Variants in RAI14 observed in about 807,000 individuals in gnomAD.
The protein encoded by RAI14 is retinoic acid induced 14, also known as ankycorbin.
Under a neutral mutation model 115.4 loss-of-function variants are expected in RAI14, and 45 were observed. That is an observed-to-expected ratio of 0.39 (90% CI 0.31 to 0.50). RAI14 has a LOEUF of 0.50. RAI14 is among the 20% of genes least tolerant of loss of function. The pLI is 0.85. For missense variants in RAI14, 939 were observed against 1,131.2 expected (o/e 0.83, Z 2.44); for synonymous variants, 371 against 415.4 (o/e 0.89, Z 1.30).
chr5:34,807,492 T>A (rs907809119), intron 5 of RAI14, among the ~76,000 whole-genome samples: 11 of 151,594 alleles, frequency 7.3e-5, no homozygotes, highest in African/African-American at 2.7e-4. Flanking sequence ...GGGCAGGAGA[T>A]GGGGGAAAAG....
At chr5:34,779,069 A>T (rs936780209) in intron 3 of RAI14, among the ~76,000 whole-genome samples, 3 of 152,200 alleles carry the variant, frequency 2.0e-5, no homozygotes, top group Non-Finnish European at 2.9e-5. Context: ...CTGGTTCAAC[A>T]TACACAAATC....
intron 1 of RAI14, among the ~76,000 whole-genome samples, chr5:34,677,324 C>T (rs903260090): frequency 3.3e-5 from 5 of 152,202 alleles, no homozygotes; most frequent in African/African-American, 9.6e-5. Context: ...CCACCACACC[C>T]GGCTCATTTT....
In RAI14 at chr5:34,806,556, G is replaced by A. The variant is rs1238646645; in HGVS notation, c.322-1244G>A. Among the ~76,000 whole-genome samples, 181 of 152,152 alleles carry A rather than the reference G, an allele frequency of 1.2e-3. 1 individual carries two copies. Among genetic ancestry groups the A allele is most frequent in the Non-Finnish European group, 2.4e-4 (16 of 67,996 alleles). On this transcript the variant is annotated intron_variant, in intron 5 of 17. Coordinates refer to ENST00000265109, the MANE Select transcript of RAI14 (RefSeq NM_015577.3). ...GAGGGTAGAGTGGAGGCGAGTTTTG[G>A]AGAAAAAAGTTGACAGGGCATGGTG...
chr5:34,734,669 CT>C (rs1158861665), intron 2 of RAI14, among the ~76,000 whole-genome samples: 1,663 of 145,562 alleles, frequency 0.011, 25 homozygotes, highest in African/African-American at 0.034. Flanking sequence ...TTTATTCTTT[CT>C]TTTTTTTTTT....
intron 2 of RAI14, among the ~76,000 whole-genome samples, chr5:34,703,241 A>G (rs972965060): frequency 3.3e-5 from 5 of 152,200 alleles, no homozygotes; most frequent in Admixed American, 1.3e-4. Context: ...ACAACATATA[A>G]AAAATGCATA....
rs1448993981 is a variant in RAI14 at position 34,811,078 on chromosome 5, G to A, written c.517G>A (p.Asp173Asn). The change falls in exon 8 of 18, where the codon GAT becomes AAT. Residue 173 changes from aspartate to asparagine, a missense_variant. By Grantham distance (23) the Asp-to-Asn change is conservative (BLOSUM62 1). Transcript: ENST00000265109. ...CAGTGAGATCTGTCACTTTCTCCTG[G>A]ATCATGGAGCAGATGTCAATTCCAG... ...GHSEICHFLL[D>N]HGADVNSRNK... 1 of 1,614,110 alleles carries A rather than the reference G, an allele frequency of 6.2e-7. No homozygotes were observed. Among genetic ancestry groups the A allele is most frequent in the Non-Finnish European group, 8.5e-7 (1 of 1,180,028 alleles).
intron 1 of RAI14, among the ~76,000 whole-genome samples, 185 bp from the exon 2 acceptor site, chr5:34,686,687 A>G (rs1029176972): frequency 3.3e-5 from 5 of 152,176 alleles, no homozygotes; most frequent in African/African-American, 1.2e-4. Context: ...TAATTTGAAA[A>G]TGTCAGAAGC....
At chr5:34,818,746 T>C (rs754677641) in intron 12 of RAI14, 51 bp from the exon 13 acceptor site, 2 of 1,478,274 alleles carry the variant, frequency 1.4e-6, no homozygotes, top group African/African-American at 2.8e-5. Context: ...GATTCTTTTG[T>C]GTAATGTTAC....
At chr5:34,691,902 C>G (rs1484974203) in intron 2 of RAI14, among the ~76,000 whole-genome samples, 1 of 152,160 alleles carries the variant, frequency 6.6e-6, no homozygotes, top group Admixed American at 6.5e-5. Context: ...AATGCACACA[C>G]CCCATGAATC....
intron 1 of RAI14, among the ~76,000 whole-genome samples, chr5:34,681,050 G>A (rs1744344655): frequency 6.6e-6 from 1 of 152,302 alleles, no homozygotes; most frequent in South Asian, 2.1e-4. Context: ...TCACAGCATA[G>A]CCCTTGTCTG....
intron 1 of RAI14, among the ~76,000 whole-genome samples, chr5:34,675,778 G>T (rs1743940037): frequency 6.6e-6 from 1 of 151,560 alleles, no homozygotes; most frequent in African/African-American, 2.4e-5. Context: ...AAAAAGGAAT[G>T]GAATCATATA....
chr5:34,766,322 G>T (rs562408378), intron 3 of RAI14, among the ~76,000 whole-genome samples: 10 of 152,160 alleles, frequency 6.6e-5, no homozygotes, highest in African/African-American at 2.4e-4. Flanking sequence ...ACACCAGCCC[G>T]TGAGAGCAGC....
At chr5:34,769,573 G>T (rs556793043) in intron 3 of RAI14, among the ~76,000 whole-genome samples, 260 of 152,270 alleles carry the variant, frequency 1.7e-3, no homozygotes, top group Non-Finnish European at 2.9e-3. Flanking sequence ...CACTTGGTAG[G>T]CTGGAATGGA....
intron 1 of RAI14, among the ~76,000 whole-genome samples, chr5:34,681,353 G>T (rs1744365914): frequency 6.6e-6 from 1 of 152,096 alleles, no homozygotes; most frequent in African/African-American, 2.4e-5. Context: ...TTCAGAACTT[G>T]GTCTGTGGTA....
chr5:34,808,576 T>TC lies in RAI14; in HGVS notation c.380-3dup. ...TTGGCTGTGGTATTTATATTTTCCT[T>TC]CCCCCAGCGGCTCAGGGCTGCCTTC... On this transcript the variant is annotated splice_polypyrimidine_tract_variant and splice_region_variant and intron_variant, in intron 6 of 17. Transcript: ENST00000265109. 1 of 1,613,798 alleles carries TC rather than the reference T, an allele frequency of 6.2e-7. No homozygotes were observed. Among genetic ancestry groups the TC allele is most frequent in the Non-Finnish European group, 8.5e-7 (1 of 1,179,782 alleles).
chr5:34,823,933 T>G lies in RAI14; in HGVS notation c.2091T>G (p.Asp697Glu). 6.2e-7 allele frequency: 1 copy of G among 1,614,188 alleles called. No individual in the cohort carries two copies. Among genetic ancestry groups the G allele is most frequent in the Non-Finnish European group, 8.5e-7 (1 of 1,180,030 alleles). The part of the protein sequence containing the change: ...LTNVSRAKAE[D>E]ALSEMKSQYS... Reference sequence around the variant, plus strand: ...ACGTGTCCAGGGCTAAAGCAGAAGATGCACTGTCTGAAATGAAGTCTCAGT... The same window carrying G: ...ACGTGTCCAGGGCTAAAGCAGAAGAGGCACTGTCTGAAATGAAGTCTCAGT... The change falls in exon 15 of 18, where the codon GAT (aspartate) becomes GAG (glutamate). Residue 697 changes from aspartate to glutamate, a missense_variant. By Grantham distance (45) the Asp-to-Glu change is conservative. Transcript: ENST00000265109. This position sits in a 1 kb window ranked among gnomAD's most constrained non-coding sequence, Gnocchi z 4.5.
At chr5:34,774,276 A>T (rs1018746578) in intron 3 of RAI14, among the ~76,000 whole-genome samples, 1 of 151,964 alleles carries the variant, frequency 6.6e-6, no homozygotes, top group African/African-American at 2.4e-5. Flanking sequence ...GAGGCTGAGG[A>T]AGGAGAATCT....
At chr5:34,772,579 G>C (rs1345780002) in intron 3 of RAI14, among the ~76,000 whole-genome samples, 3 of 152,126 alleles carry the variant, frequency 2.0e-5, no homozygotes, top group Non-Finnish European at 4.4e-5. Context: ...TATTGATGTT[G>C]TTGTTATTCA....
At chr5:34,804,505 A>T (rs987221291) in intron 5 of RAI14, among the ~76,000 whole-genome samples, 4 of 152,188 alleles carry the variant, frequency 2.6e-5, no homozygotes, top group Admixed American at 6.5e-5. Flanking sequence ...GTTCTGTTGA[A>T]CTGTTGTCTT....
Sources: gnomAD v4.1 joint callset for allele counts (sites outside exome capture counted in the v4.1 genomes callset) on GRCh38, gnomAD v4.1.1 for gene constraint, Gnocchi (gnomAD v3.1) non-coding constraint, MANE v1.5 for transcripts, NCBI Gene and HGNC (gene_info 2026-07-23, HGNC 2026-07-21) for gene names.